The following TRAPPC11 variants were observed in gnomAD, a reference collection of about 807,000 sequenced individuals.
The protein encoded by TRAPPC11 is foie gras homolog.
In TRAPPC11, 104 loss-of-function variants were observed where a neutral mutation model predicts 151.2. The ratio of observed to expected loss-of-function variants is 0.69; its 90% CI spans 0.59 to 0.81. TRAPPC11 has a LOEUF of 0.81. Among genes scored for constraint, TRAPPC11 ranks in the 30% least tolerant of loss-of-function variants. The pLI is 0.00. For missense variants in TRAPPC11, 1,230 were observed against 1,349.6 expected (o/e 0.91, Z 1.39); for synonymous variants, 456 against 472.3 (o/e 0.97, Z 0.45).
chr4:183,674,636 G>T, intron 5 of TRAPPC11, 77 bp from the exon 6 acceptor site: 1 of 734,746 alleles, frequency 1.4e-6, no homozygotes, highest in South Asian at 2.2e-5. Context: ...TTACTTTCAG[G>T]TCTCACAAAT....
chr4:183,691,184 A>G (rs1239803707), intron 18 of TRAPPC11, 132 bp from the exon 19 acceptor site: 4 of 639,722 alleles, frequency 6.3e-6, no homozygotes, highest in Admixed American at 3.5e-5. Context: ...GGCATAAAAA[A>G]TACTTCCTTT....
intron 14 of TRAPPC11, 152 bp from the exon 15 acceptor site, chr4:183,684,544 T>C (rs111369348): frequency 0.019 from 19,313 of 1,008,542 alleles, 273 homozygotes; most frequent in Non-Finnish European, 0.024. Context: ...TTAAGAAATC[T>C]CACGTTTAGC....
In TRAPPC11 at chr4:183,706,426, A is replaced by G. The variant is rs373329005; in HGVS notation, c.3056-381A>G. 2.4e-3 allele frequency among the ~76,000 whole-genome samples: 371 copies of G among 152,076 alleles called. 1 individual carries two copies. The highest frequency in any genetic ancestry group is 8.4e-3 in the African/African-American group (350 of 41,474). On this transcript the variant is annotated intron_variant, in intron 27 of 29. Transcript: ENST00000334690. ...TAGTCCCAGCTACTTGGGAGGCTGA[A>G]GCAGGACAATGGCGTGAACCCGGGA...
chr4:183,679,652 A>G (rs1735580087), intron 9 of TRAPPC11, among the ~76,000 whole-genome samples, 166 bp downstream of exon 9: 1 of 152,228 alleles, frequency 6.6e-6, no homozygotes, highest in Non-Finnish European at 1.5e-5. Flanking sequence ...TTGATATTGT[A>G]TACAGTTCCT....
intron 27 of TRAPPC11, among the ~76,000 whole-genome samples, chr4:183,706,434 A>G (rs541424867): frequency 3.3e-5 from 5 of 152,128 alleles, no homozygotes; most frequent in Admixed American, 3.3e-4. Context: ...GAAGCAGGAC[A>G]ATGGCGTGAA....
chr4:183,699,622 TC>T (rs1736704322), intron 25 of TRAPPC11, among the ~76,000 whole-genome samples: 1 of 152,204 alleles, frequency 6.6e-6, no homozygotes, highest in Non-Finnish European at 1.5e-5. Context: ...TGACACAGAT[TC>T]AACTGTATTA....
At chr4:183,683,155 CAA>C (rs11461854) in intron 11 of TRAPPC11, among the ~76,000 whole-genome samples, 4 of 97,892 alleles carry the variant, frequency 4.1e-5, no homozygotes, top group Admixed American at 1.1e-4. Context: ...GACCTCATCT[CAA>C]AAAAAAAAAA....
rs377666986 is a variant in TRAPPC11 at position 183,697,662 on chromosome 4, A to G, written c.2695-17A>G. ...TAAGGTAATTCCTGACAGACCTTTT[A>G]TCTTCATTTGTGACAGTTTGAGCAC... On this transcript the variant is annotated splice_polypyrimidine_tract_variant and intron_variant, in intron 24 of 29. Transcript: ENST00000334690. The G allele has an allele frequency of 1.6e-5, 26 of 1,612,950 alleles. No homozygotes were observed. The highest frequency in any genetic ancestry group is 5.0e-5 in the Admixed American group (3 of 59,718).
chr4:183,697,934 C>A, intron 25 of TRAPPC11, 99 bp downstream of exon 25: 1 of 1,195,562 alleles, frequency 8.4e-7, no homozygotes, highest in Non-Finnish European at 1.1e-6. Flanking sequence ...TAGCTTTTTG[C>A]TAAGTGAGGG....
chr4:183,684,707 A>G lies in TRAPPC11; in HGVS notation c.1433A>G (p.Tyr478Cys). 6.2e-7 allele frequency: 1 copy of G among 1,613,914 alleles called. No homozygotes were observed. The highest frequency in any genetic ancestry group is 8.5e-7 in the Non-Finnish European group (1 of 1,179,908). The stretch of plus-strand genomic sequence containing the variant: ...TTGTCTTCTTTGAGGTTGCTGGATT[A>G]TGTGATGTGTGATTATCGGAGTGAA... ...DYTKALKLLD[Y>C]VMCDYRSEGW... The change falls in exon 15 of 30, where the codon TAT becomes TGT. Residue 478 changes from tyrosine to cysteine, a missense_variant. Physicochemically the swap from Tyr to Cys is radical, Grantham distance 194. Coordinates refer to ENST00000334690, the MANE Select transcript of TRAPPC11 (RefSeq NM_021942.6).
chr4:183,689,272 C>T (rs947955306), intron 18 of TRAPPC11, among the ~76,000 whole-genome samples: 2 of 151,964 alleles, frequency 1.3e-5, no homozygotes, highest in Admixed American at 1.3e-4. Context: ...GTGCATATAG[C>T]GGCTGAAAAG....
chr4:183,706,075 C>CACACACACACAT (rs72156325), intron 27 of TRAPPC11: 9 of 148,350 alleles, frequency 6.1e-5, no homozygotes, highest in African/African-American at 2.3e-4. Flanking sequence ...AGAACACACA[C>CACACACACACAT]ACACACACAC....
At chr4:183,707,425 AT>A (rs1047659074) in intron 28 of TRAPPC11, among the ~76,000 whole-genome samples, 1 of 152,066 alleles carries the variant, frequency 6.6e-6, no homozygotes, top group African/African-American at 2.4e-5. Context: ...AATTATCTAG[AT>A]TTTTTTATTT....
At chr4:183,671,611 T>C (rs1305057604) in intron 5 of TRAPPC11, among the ~76,000 whole-genome samples, 1 of 152,244 alleles carries the variant, frequency 6.6e-6, no homozygotes, top group Non-Finnish European at 1.5e-5. Context: ...TTAGGTACTT[T>C]ACAAAATTCG....
chr4:183,671,014 G>A (rs1330395541), intron 5 of TRAPPC11, among the ~76,000 whole-genome samples: 1 of 152,172 alleles, frequency 6.6e-6, no homozygotes. Context: ...ATAGGCGTGA[G>A]CCACCATGCC....
intron 25 of TRAPPC11, among the ~76,000 whole-genome samples, chr4:183,699,069 G>A (rs1040396766): frequency 1.3e-5 from 2 of 152,010 alleles, no homozygotes; most frequent in East Asian, 1.9e-4. Context: ...ACTAGACTTT[G>A]TGACACACTG....
chr4:183,683,352 C>G (rs1274233397), intron 11 of TRAPPC11, among the ~76,000 whole-genome samples: 1 of 152,138 alleles, frequency 6.6e-6, no homozygotes, highest in Non-Finnish European at 1.5e-5. Flanking sequence ...TTAATTCAAG[C>G]AATTGAACTA....
intron 11 of TRAPPC11, among the ~76,000 whole-genome samples, chr4:183,683,622 C>T (rs899502566): frequency 6.6e-6 from 1 of 152,104 alleles, no homozygotes. Context: ...GATTGTACCG[C>T]TGCACTCCAG....
intron 23 of TRAPPC11, 50 bp downstream of exon 23, chr4:183,694,773 T>TGA (rs1426691528): frequency 6.4e-7 from 1 of 1,565,322 alleles, no homozygotes; most frequent in Non-Finnish European, 8.6e-7. Flanking sequence ...AGTATTCCCA[T>TGA]TTTGTGTTAT....
Sources: gnomAD v4.1 joint callset for allele counts (sites outside exome capture counted in the v4.1 genomes callset) on GRCh38, gnomAD v4.1.1 for gene constraint, MANE v1.5 for transcripts, NCBI Gene and HGNC (gene_info 2026-07-23, HGNC 2026-07-21) for gene names.